The following UVSSA variants were observed in gnomAD, a reference collection of about 807,000 sequenced individuals.
The protein encoded by UVSSA is UV-stimulated scaffold protein A.
Under a neutral mutation model 73.9 loss-of-function variants are expected in UVSSA, and 72 were observed. That is an observed-to-expected ratio of 0.97 (90% CI 0.81 to 1.19). The LOEUF (loss-of-function observed/expected upper bound fraction) is 1.19, where lower values mean the gene tolerates loss of function less well. UVSSA is among the 50% of genes most tolerant of loss of function. The pLI, the probability that UVSSA is intolerant of heterozygous loss-of-function variation, is 0.00. For missense variants in UVSSA, 1,150 were observed against 965.0 expected, an observed-to-expected ratio of 1.19 and a Z score of -2.54; for synonymous variants, 454 against 391.3, an observed-to-expected ratio of 1.16 and a Z score of -1.89.
Position 1,383,785 on chromosome 4 carries a change from G to A in UVSSA, c.1881G>A (p.Leu627=), listed in dbSNP as rs2109312417. The A allele has an allele frequency of 1.2e-6, 2 of 1,613,476 alleles. No individual in the cohort carries two copies. The highest frequency in any genetic ancestry group is 2.2e-5 in the South Asian group (2 of 91,082). ...TTGCAGAATGGCAGGACCCTGAGTT[G>A]ATGAGAGACGTGGAAGCAGCCACAG... ...QERPEWQDPE[L]MRDVEAATGQ... The change falls in exon 13 of 14, where the codon TTG becomes TTA. Residue 627 remains leucine, a synonymous_variant. Transcript: ENST00000389851.
At chr4:1,351,111 G>A (rs1295776574) in intron 3 of UVSSA, among the ~76,000 whole-genome samples, 3 of 152,032 alleles carry the variant, frequency 2.0e-5, no homozygotes, top group Admixed American at 2.0e-4. Context: ...TGTTGCCCAG[G>A]TTGGAGTGCA....
chr4:1,385,840 G>A (rs752509774), intron 13 of UVSSA, 28 bp from the exon 14 acceptor site: 5 of 1,613,426 alleles, frequency 3.1e-6, no homozygotes, highest in Non-Finnish European at 3.4e-6. Context: ...AAGCCTCCCA[G>A]GTCACATCTT....
chr4:1,342,266 G>C (rs1045468396), upstream of UVSSA, among the ~76,000 whole-genome samples: 1 of 152,190 alleles, frequency 6.6e-6, no homozygotes, highest in African/African-American at 2.4e-5. Flanking sequence ...TCAACACTTG[G>C]TAGTGTCAGG....
chr4:1,378,355 C>T (rs1719024199), intron 10 of UVSSA, among the ~76,000 whole-genome samples: 1 of 152,192 alleles, frequency 6.6e-6, no homozygotes. Context: ...GAGTTCGAGA[C>T]CAGCCTGGCC....
At chr4:1,360,550 G>A (rs1716478388) in intron 7 of UVSSA, among the ~76,000 whole-genome samples, 2 of 152,202 alleles carry the variant, frequency 1.3e-5, no homozygotes, top group Non-Finnish European at 1.5e-5. Flanking sequence ...TGACAAACCC[G>A]TGCTATGGCC....
At chr4:1,371,256 CTGTGTG>C (rs34839757) in intron 8 of UVSSA, among the ~76,000 whole-genome samples, 7,837 of 146,520 alleles carry the variant, frequency 0.053, 405 homozygotes, top group East Asian at 0.22. Flanking sequence ...GTGGGTGGAC[CTGTGTG>C]TGTGTGTGTG....
At chr4:1,378,890 G>C (rs922451712) in intron 10 of UVSSA, among the ~76,000 whole-genome samples, 4 of 152,234 alleles carry the variant, frequency 2.6e-5, no homozygotes, top group African/African-American at 9.6e-5. Flanking sequence ...GTGGGGCCAA[G>C]GCCCTGGGCA....
chr4:1,372,579 C>T (rs1178705546), intron 8 of UVSSA, among the ~76,000 whole-genome samples: 1 of 152,196 alleles, frequency 6.6e-6, no homozygotes, highest in Admixed American at 6.5e-5. Flanking sequence ...TTGGATCATC[C>T]AGAACCAACT....
chr4:1,367,747 G>A (rs1483708773), intron 8 of UVSSA, among the ~76,000 whole-genome samples: 1 of 152,070 alleles, frequency 6.6e-6, no homozygotes, highest in Non-Finnish European at 1.5e-5. Flanking sequence ...GGCAGAAGCC[G>A]AGGGACCTGC....
chr4:1,393,491 G>A (rs1483468235), exon 14 of UVSSA: 1 of 152,116 alleles, frequency 6.6e-6, no homozygotes, highest in Non-Finnish European at 1.5e-5. Flanking sequence ...GGAGGCAGAG[G>A]TTGCAGTGAG....
intron 8 of UVSSA, among the ~76,000 whole-genome samples, chr4:1,367,361 T>A (rs1198548651): frequency 1.3e-5 from 2 of 152,140 alleles, no homozygotes; most frequent in Non-Finnish European, 2.9e-5. Context: ...ACCCTCAGCT[T>A]TTGTGTGGAA....
In UVSSA at chr4:1,353,269, C is replaced by T; in HGVS notation, c.790C>T (p.Pro264Ser). Residue 264 changes from proline (P) to serine (S), a missense_variant, in exon 5 of 14, where the codon CCC (proline) becomes TCC (serine). Coordinates refer to ENST00000389851, the MANE Select transcript of UVSSA (RefSeq NM_020894.4). The part of the protein sequence containing the change: ...SRDLPASAGH[P>S]RAGGGAQPSQ... Reference sequence around the variant, plus strand: ...AGACCTGCCTGCCTCTGCAGGCCACCCCAGAGCGGGCGGCGGGGCACAGCC... The same window carrying T: ...AGACCTGCCTGCCTCTGCAGGCCACTCCAGAGCGGGCGGCGGGGCACAGCC... 6.2e-7 allele frequency: 1 copy of T among 1,611,360 alleles called. No homozygotes were observed.
At chr4:1,352,364 C>A (rs1456961164) in intron 4 of UVSSA, among the ~76,000 whole-genome samples, 1 of 152,234 alleles carries the variant, frequency 6.6e-6, no homozygotes, top group Non-Finnish European at 1.5e-5. Flanking sequence ...AGACTGTGGT[C>A]CCAGGTGTGG....
chr4:1,342,836 T>C (rs930689663), upstream of UVSSA, among the ~76,000 whole-genome samples: 18 of 152,250 alleles, frequency 1.2e-4, no homozygotes, highest in African/African-American at 4.3e-4. Flanking sequence ...TCTGTTAGAC[T>C]GGCCTTTAGG....
intron 8 of UVSSA, among the ~76,000 whole-genome samples, chr4:1,372,753 ACTCACCTCC>A: frequency 3.0e-5 from 2 of 67,148 alleles, no homozygotes; most frequent in African/African-American, 8.7e-5. Context: ...GCGTCCCTGC[ACTCACCTCC>A]CGCGTCTCAG....
intron 13 of UVSSA, chr4:1,385,523 C>A (rs937189498): frequency 3.2e-6 from 1 of 314,514 alleles, no homozygotes; most frequent in Non-Finnish European, 6.1e-6. Context: ...CCTGCGAGGC[C>A]GCTCCCCGGG....
chr4:1,377,467 C>G (rs1222125288), intron 10 of UVSSA, among the ~76,000 whole-genome samples: 1 of 152,178 alleles, frequency 6.6e-6, no homozygotes, highest in Admixed American at 6.5e-5. Flanking sequence ...GCTGGGCAGG[C>G]TGCTCAGCGG....
At chr4:1,342,712 ATTG>A (rs1713473293), upstream of UVSSA, among the ~76,000 whole-genome samples, 4 of 152,302 alleles carry the variant, frequency 2.6e-5, no homozygotes, top group South Asian at 6.2e-4. Context: ...TGTTTACTCT[ATTG>A]TTCTAACACC....
intron 10 of UVSSA, among the ~76,000 whole-genome samples, chr4:1,376,483 T>C (rs1000739780): frequency 6.6e-6 from 1 of 152,210 alleles, no homozygotes; most frequent in Non-Finnish European, 1.5e-5. Flanking sequence ...TGGGGCCCGT[T>C]CAGTTTGTCC....
Sources: gnomAD v4.1 joint callset for allele counts (sites outside exome capture counted in the v4.1 genomes callset) on GRCh38, gnomAD v4.1.1 for gene constraint, MANE v1.5 for transcripts, NCBI Gene and HGNC (gene_info 2026-07-23, HGNC 2026-07-21) for gene names.